Variants in SUMF1 observed in about 807,000 individuals in gnomAD.
SUMF1 encodes the protein formylglycine-generating enzyme.
SUMF1 carries 48 observed loss-of-function variants against 47.6 expected under a neutral mutation model. That is an observed-to-expected ratio of 1.01 (90% confidence interval 0.80 to 1.28). The LOEUF is 1.28. Among genes scored for constraint, SUMF1 ranks in the 50% most tolerant of loss-of-function variants. The pLI, the probability that SUMF1 is intolerant of heterozygous loss-of-function variation, is 0.00. For missense variants in SUMF1, 571 were observed against 485.4 expected (o/e 1.18, Z -1.66); for synonymous variants, 230 against 192.1 (o/e 1.20, Z -1.63).
At chr3:4,356,858 C>T (rs898440136), downstream of SUMF1, among the ~76,000 whole-genome samples, 11 of 152,196 alleles carry the variant, frequency 7.2e-5, no homozygotes, top group African/African-American at 1.7e-4. Flanking sequence ...AGTGGCAGCA[C>T]GCTTAGAACA....
At chr3:4,123,224 T>C (rs1202131318) in intron 8 of SUMF1, among the ~76,000 whole-genome samples, 2 of 152,030 alleles carry the variant, frequency 1.3e-5, no homozygotes, top group Admixed American at 1.3e-4. Flanking sequence ...GAGTAATATG[T>C]TAGTTGAGAA....
chr3:4,374,126 G>A (rs1216451440), intron 8 of SUMF1, among the ~76,000 whole-genome samples: 1 of 152,172 alleles, frequency 6.6e-6, no homozygotes, highest in East Asian at 1.9e-4. Flanking sequence ...GATCAAGAAT[G>A]AGGTATGAAG....
At position 4,300,286 on chromosome 3, in the gene SUMF1, C is replaced by T. The variant is rs146713732; in HGVS notation, c.1014+76044G>A. ...CTTCACCTTCTACTATGACTCAAAG[C>T]TTCCTGAGGCCTGCCCAGGAACCGA... On this transcript the variant is annotated intron_variant and NMD_transcript_variant, in intron 8 of 12. Coordinates refer to the SUMF1 transcript ENST00000448413. 2.1e-3 allele frequency among the ~76,000 whole-genome samples: 317 copies of T among 152,290 alleles called. 1 individual carries two copies. The highest frequency in any genetic ancestry group is 7.3e-3 in the African/African-American group (303 of 41,546).
At chr3:4,383,694 T>C (rs1015612917) in intron 7 of SUMF1, among the ~76,000 whole-genome samples, 3 of 152,172 alleles carry the variant, frequency 2.0e-5, no homozygotes, top group Non-Finnish European at 4.4e-5. Context: ...AGCTCAGGAT[T>C]CTCCGGCTGT....
chr3:4,256,920 G>A (rs1277785886), intron 8 of SUMF1, among the ~76,000 whole-genome samples: 2 of 124,586 alleles, frequency 1.6e-5, no homozygotes, highest in Non-Finnish European at 3.3e-5. Context: ...CCATGATCAA[G>A]TGGGCTTCAT....
chr3:4,231,254 C>G lies in SUMF1; in HGVS notation c.1014+145076G>C, dbSNP rs146867529. 2.6e-5 allele frequency among the ~76,000 whole-genome samples: 4 copies of G among 152,196 alleles called. No homozygotes were observed. In the East Asian group the frequency reaches 5.8e-4, roughly 22 times the overall value. ...ACTGTGATGCAACCAACTATGTAATCTTAGCCAGGTCACATAACCTTTAGG... is the reference window on the plus strand; with the variant it reads ...ACTGTGATGCAACCAACTATGTAATGTTAGCCAGGTCACATAACCTTTAGG... On this transcript the variant is annotated intron_variant and NMD_transcript_variant, in intron 8 of 12. Coordinates refer to the SUMF1 transcript ENST00000448413.
intron 8 of SUMF1, among the ~76,000 whole-genome samples, chr3:4,282,745 A>G (rs890382682): frequency 1.3e-5 from 2 of 152,230 alleles, no homozygotes; most frequent in African/African-American, 4.8e-5. Flanking sequence ...CTCTCTTAAA[A>G]GAAGGTATCT....
chr3:4,457,280 A>C (rs2079688375), intron 1 of SUMF1, among the ~76,000 whole-genome samples: 2 of 151,972 alleles, frequency 1.3e-5, no homozygotes, highest in African/African-American at 4.8e-5. Context: ...TCTGAAAAAG[A>C]TATTAAGAAA....
At chr3:4,115,169 T>A (rs1693394038) in intron 8 of SUMF1, among the ~76,000 whole-genome samples, 1 of 151,916 alleles carries the variant, frequency 6.6e-6, no homozygotes, top group East Asian at 1.9e-4. Context: ...CAGGCACCAG[T>A]GGACTCTGGC....
At chr3:4,044,950 A>T (rs907933370) in intron 9 of SUMF1, among the ~76,000 whole-genome samples, 3 of 140,184 alleles carry the variant, frequency 2.1e-5, no homozygotes, top group African/African-American at 9.9e-5. Context: ...TTAACATGAT[A>T]AAAAAAAGTC....
At chr3:4,250,113 G>A (rs1196132445) in intron 8 of SUMF1, among the ~76,000 whole-genome samples, 1 of 151,984 alleles carries the variant, frequency 6.6e-6, no homozygotes, top group Non-Finnish European at 1.5e-5. Flanking sequence ...AACACAGGAG[G>A]CAGAGGTTAG....
chr3:4,389,270 A>C (rs1700774031), intron 7 of SUMF1, among the ~76,000 whole-genome samples: 1 of 152,086 alleles, frequency 6.6e-6, no homozygotes, highest in Non-Finnish European at 1.5e-5. Flanking sequence ...CACTTAAAAA[A>C]CATCATGCCA....
At chr3:4,132,368 G>C (rs1004614784) in intron 8 of SUMF1, among the ~76,000 whole-genome samples, 2 of 152,126 alleles carry the variant, frequency 1.3e-5, no homozygotes, top group Non-Finnish European at 2.9e-5. Flanking sequence ...TGATAGAACA[G>C]TGGAATGGCC....
At chr3:4,290,642 C>T (rs990217640) in intron 8 of SUMF1, among the ~76,000 whole-genome samples, 4 of 152,186 alleles carry the variant, frequency 2.6e-5, no homozygotes, top group Non-Finnish European at 4.4e-5. Context: ...ATGTCCCCCT[C>T]ATAGAACCTT....
chr3:4,424,511 T>A (rs1001612793), intron 3 of SUMF1, among the ~76,000 whole-genome samples: 5 of 152,230 alleles, frequency 3.3e-5, no homozygotes. Flanking sequence ...CGCAACCTAG[T>A]GTTTTGGTCC....
At chr3:4,118,380 G>A (rs570903866) in intron 8 of SUMF1, among the ~76,000 whole-genome samples, 6 of 143,870 alleles carry the variant, frequency 4.2e-5, no homozygotes, top group African/African-American at 1.4e-4. Context: ...CCAAAATATA[G>A]AGCCAAAAAA....
At chr3:4,237,808 G>T (rs1269150203) in intron 8 of SUMF1, among the ~76,000 whole-genome samples, 1 of 151,914 alleles carries the variant, frequency 6.6e-6, no homozygotes, top group African/African-American at 2.4e-5. Flanking sequence ...TACTTTAAGT[G>T]CTGGGATACA....
At chr3:4,130,978 C>T (rs1433598618) in intron 8 of SUMF1, among the ~76,000 whole-genome samples, 1 of 152,086 alleles carries the variant, frequency 6.6e-6, no homozygotes, top group Non-Finnish European at 1.5e-5. Context: ...TGGCAGGCCC[C>T]CATAGGTGAA....
intron 8 of SUMF1, among the ~76,000 whole-genome samples, chr3:4,308,158 C>G (rs1698264840): frequency 6.6e-6 from 1 of 152,216 alleles, no homozygotes; most frequent in African/African-American, 2.4e-5. Context: ...CAGCTCTTAG[C>G]TTTTCTCCAC....
Sources: gnomAD v4.1 joint callset for allele counts (sites outside exome capture counted in the v4.1 genomes callset) on GRCh38, gnomAD v4.1.1 for gene constraint, MANE v1.5 for transcripts, NCBI Gene and HGNC (gene_info 2026-07-23, HGNC 2026-07-21) for gene names.